FBXL17: variants seen among roughly 807,000 people sequenced by gnomAD.
FBXL17 encodes F-box/LRR-repeat protein 17.
Under a neutral mutation model 66.2 loss-of-function variants are expected in FBXL17, and 22 were observed. That is an observed-to-expected ratio of 0.33 (90% CI 0.24 to 0.47). FBXL17 has a LOEUF of 0.47. FBXL17 is among the 20% of genes least tolerant of loss of function. The pLI is 1.00. For missense variants in FBXL17, 878 were observed against 948.2 expected (o/e 0.93, Z 0.97); for synonymous variants, 474 against 400.5 (o/e 1.18, Z -2.19).
chr5:108,028,305 C>A (rs373670229), intron 6 of FBXL17, among the ~76,000 whole-genome samples: 1 of 151,920 alleles, frequency 6.6e-6, no homozygotes, highest in African/African-American at 2.4e-5. Context: ...AAAAGGATAC[C>A]GTGAAATTTA....
intron 7 of FBXL17, among the ~76,000 whole-genome samples, chr5:107,995,327 A>T (rs1753428094): frequency 6.6e-6 from 1 of 152,234 alleles, no homozygotes; most frequent in Non-Finnish European, 1.5e-5. Context: ...TGATTTATTT[A>T]AAACACATGC....
At chr5:108,163,399 CTTTTTTTTT>C (rs764052812) in intron 6 of FBXL17, among the ~76,000 whole-genome samples, 2 of 129,540 alleles carry the variant, frequency 1.5e-5, no homozygotes, top group African/African-American at 6.7e-5. Flanking sequence ...TTTTTTTTTT[CTTTTTTTTT>C]TTTTTTTTTT....
chr5:108,219,792 GT>G (rs920114916), intron 5 of FBXL17, among the ~76,000 whole-genome samples: 1 of 151,800 alleles, frequency 6.6e-6, no homozygotes, highest in Non-Finnish European at 1.5e-5. Flanking sequence ...ACATTGGCAA[GT>G]TTTTTTTGAT....
intron 7 of FBXL17, among the ~76,000 whole-genome samples, chr5:107,994,830 G>A (rs1270704404): frequency 6.7e-6 from 1 of 149,466 alleles, no homozygotes; most frequent in African/African-American, 2.5e-5. Flanking sequence ...AGAGAGTGAG[G>A]CTCCATCTCA....
chr5:108,303,422 ATTCCCCTTT>A (rs1173943745), intron 4 of FBXL17, among the ~76,000 whole-genome samples: 2 of 151,126 alleles, frequency 1.3e-5, no homozygotes, highest in African/African-American at 4.9e-5. Context: ...AACACTACTT[ATTCCCCTTT>A]TTCATATGTT....
At chr5:107,914,522 C>T (rs1446777124) in intron 7 of FBXL17, among the ~76,000 whole-genome samples, 1 of 152,146 alleles carries the variant, frequency 6.6e-6, no homozygotes. Flanking sequence ...CTTAACTGTA[C>T]TTAGGTGGTT....
chr5:108,329,851 C>T (rs969234809), intron 4 of FBXL17, among the ~76,000 whole-genome samples: 2 of 152,004 alleles, frequency 1.3e-5, no homozygotes, highest in African/African-American at 2.4e-5. Flanking sequence ...AGTCCAGGCT[C>T]GGGAACAGTG....
At chr5:107,916,907 T>G (rs879882824) in intron 7 of FBXL17, among the ~76,000 whole-genome samples, 1 of 152,240 alleles carries the variant, frequency 6.6e-6, no homozygotes, top group African/African-American at 2.4e-5. Context: ...GTTTTCTTAG[T>G]AACATGCTAA....
intron 1 of FBXL17, among the ~76,000 whole-genome samples, chr5:108,373,772 GCC>G (rs1749227107): frequency 6.6e-6 from 1 of 151,880 alleles, no homozygotes; most frequent in Non-Finnish European, 1.5e-5. Context: ...GACAAAATTA[GCC>G]AGCCATAGTG....
intron 6 of FBXL17, among the ~76,000 whole-genome samples, chr5:108,179,910 G>A (rs1752935986): frequency 6.6e-6 from 1 of 152,052 alleles, no homozygotes; most frequent in African/African-American, 2.4e-5. Flanking sequence ...CAATTTTAAG[G>A]AAGGATAATT....
At chr5:108,265,739 T>C (rs550848187) in intron 4 of FBXL17, among the ~76,000 whole-genome samples, 1 of 152,270 alleles carries the variant, frequency 6.6e-6, no homozygotes, top group East Asian at 1.9e-4. Context: ...AGAAATTTAT[T>C]CTAAACCAGA....
chr5:108,205,641 T>G (rs1754085609), intron 5 of FBXL17, among the ~76,000 whole-genome samples: 1 of 152,120 alleles, frequency 6.6e-6, no homozygotes, highest in African/African-American at 2.4e-5. Flanking sequence ...CTGATTGTCT[T>G]TTTGTGGTAT....
intron 6 of FBXL17, among the ~76,000 whole-genome samples, chr5:108,129,856 G>A (rs1330934491): frequency 1.3e-5 from 2 of 151,682 alleles, no homozygotes; most frequent in African/African-American, 4.8e-5. Context: ...TTTTAAATAA[G>A]GTTTTTCAAG....
chr5:107,864,445 C>T (rs918472520), intron 8 of FBXL17, among the ~76,000 whole-genome samples: 2 of 152,220 alleles, frequency 1.3e-5, no homozygotes, highest in Non-Finnish European at 2.9e-5. Flanking sequence ...CCAGAACTCT[C>T]CTTAATAACA....
At position 108,009,308 on chromosome 5, in the gene FBXL17, T is replaced by TATAGATAGATATATATACACAC; in HGVS notation, c.1822+11616_1822+11617insGTGTGTATATATATCTATCTAT. Among the ~76,000 whole-genome samples, 7 of 42,210 alleles carry TATAGATAGATATATATACACAC rather than the reference T, an allele frequency of 1.7e-4. 1 individual carries two copies. The highest frequency in any genetic ancestry group is 6.2e-4 in the African/African-American group (7 of 11,328). The allele number at this position is 42,210 out of a possible 152,430, so 27.7% of individuals were successfully genotyped here. ...ATATATATATATATATATACATATATACATACACATATAGTTTTGCTTTTG... is the reference window on the plus strand; with the variant it reads ...ATATATATATATATATATACATATATATAGATAGATATATATACACACACATACACATATAGTTTTGCTTTTG... On this transcript the variant is annotated intron_variant, in intron 7 of 8. Coordinates refer to ENST00000542267, the MANE Select transcript of FBXL17 (RefSeq NM_001163315.3).
intron 4 of FBXL17, among the ~76,000 whole-genome samples, chr5:108,284,801 T>A (rs948791239): frequency 6.6e-6 from 1 of 151,938 alleles, no homozygotes; most frequent in Non-Finnish European, 1.5e-5. Context: ...TGATGGCTAC[T>A]GATTGATCAG....
At chr5:107,982,467 A>G (rs893150223) in intron 7 of FBXL17, among the ~76,000 whole-genome samples, 3 of 152,134 alleles carry the variant, frequency 2.0e-5, no homozygotes, top group African/African-American at 7.2e-5. Context: ...AACAAAAAAA[A>G]CCACATAGCA....
intron 5 of FBXL17, among the ~76,000 whole-genome samples, chr5:108,197,040 T>C (rs1350257830): frequency 7.2e-5 from 11 of 152,180 alleles, no homozygotes; most frequent in Non-Finnish European, 1.3e-4. Flanking sequence ...ATGGATGCTC[T>C]GCTCCTCCTC....
chr5:108,299,536 C>T (rs1758493912), intron 4 of FBXL17: 1 of 956,946 alleles, frequency 1.0e-6, no homozygotes, highest in Admixed American at 6.2e-5. Context: ...CTATATAATC[C>T]TTCAATTTTA....
Sources: allele counts gnomAD v4.1 joint callset (sites outside exome capture counted in the v4.1 genomes callset), GRCh38; gene constraint gnomAD v4.1.1; transcripts MANE v1.5; gene names NCBI Gene and HGNC (gene_info 2026-07-23, HGNC 2026-07-21).